TCF4: variants seen among roughly 807,000 people sequenced by gnomAD.
The protein encoded by TCF4 is transcription factor 4, also known as SL3-3 enhancer factor 2.
In TCF4, 3 loss-of-function variants were observed where a neutral mutation model predicts 82.1. The observed-to-expected ratio is 0.04, with a 90% CI of 0.02 to 0.09. The LOEUF is 0.09. TCF4 is among the 10% of genes least tolerant of loss of function. The pLI is 1.00. For synonymous variants in TCF4, 276 were observed against 309.6 expected, an observed-to-expected ratio of 0.89 and a Z score of 1.14; for missense variants, 518 against 852.7, an observed-to-expected ratio of 0.61 and a Z score of 4.89.
At chr18:55,511,557 A>G (rs1216649527) in intron 3 of TCF4, among the ~76,000 whole-genome samples, 1 of 152,132 alleles carries the variant, frequency 6.6e-6, no homozygotes, top group Non-Finnish European at 1.5e-5. Context: ...ACAGAGTTCT[A>G]AATTCATTCT....
At chr18:55,571,783 T>C (rs1209007164) in intron 3 of TCF4, among the ~76,000 whole-genome samples, 1 of 145,532 alleles carries the variant, frequency 6.9e-6, no homozygotes, top group African/African-American at 2.5e-5. Flanking sequence ...AATTATGAAA[T>C]AATTCAAGCA....
At chr18:55,431,672 A>C (rs970553303) in intron 5 of TCF4, among the ~76,000 whole-genome samples, 4 of 152,192 alleles carry the variant, frequency 2.6e-5, no homozygotes, top group Non-Finnish European at 5.9e-5. Context: ...ACTTGGAGTA[A>C]ACAAGATGGC....
rs71169308 is a variant in TCF4 at position 55,621,524 on chromosome 18, T to TATAATATA, written c.286+9773_286+9774insTATATTAT. Among the ~76,000 whole-genome samples the TATAATATA allele has an allele frequency of 7.9e-4, 11 of 13,846 alleles. 1 individual carries two copies. Among genetic ancestry groups the TATAATATA allele is most frequent in the Admixed American group, 5.9e-3 (4 of 678 alleles). 9.1% of individuals were successfully genotyped at this position (13,846 alleles called of 152,430 possible). On this transcript the variant is annotated intron_variant, in intron 2 of 20. Transcript: ENST00000398339. ...TACATTATATATATATTATATAATA[T>TATAATATA]TATATAATATATATATTATATTATA...
At chr18:55,416,019 TG>T (rs1291844191) in intron 5 of TCF4, among the ~76,000 whole-genome samples, 1 of 152,224 alleles carries the variant, frequency 6.6e-6, no homozygotes. Context: ...CCCACTGGTT[TG>T]TGCTTGATTG....
At chr18:55,241,180 G>A (rs1221649315) in intron 15 of TCF4, among the ~76,000 whole-genome samples, 3 of 152,132 alleles carry the variant, frequency 2.0e-5, no homozygotes, top group Non-Finnish European at 4.4e-5. Flanking sequence ...AAATGCAAAC[G>A]GATGTGAGCC....
intron 8 of TCF4, among the ~76,000 whole-genome samples, chr18:55,300,239 T>C (rs545021083): frequency 6.6e-6 from 1 of 152,312 alleles, no homozygotes; most frequent in South Asian, 2.1e-4. Context: ...CTGCCCCCTA[T>C]GCCAACCATT....
chr18:55,374,812 G>A (rs1188089626), intron 6 of TCF4, among the ~76,000 whole-genome samples: 1 of 143,700 alleles, frequency 7.0e-6, no homozygotes, highest in East Asian at 2.1e-4. Context: ...AGACTGCAGT[G>A]AGCCATGATC....
At chr18:55,294,669 G>T (rs1236199200) in intron 8 of TCF4, among the ~76,000 whole-genome samples, 1 of 152,198 alleles carries the variant, frequency 6.6e-6, no homozygotes, top group East Asian at 1.9e-4. Context: ...TTCCACAGTT[G>T]TCCAGCACTG....
At chr18:55,245,366 T>G (rs1039975562) in intron 15 of TCF4, among the ~76,000 whole-genome samples, 1 of 152,228 alleles carries the variant, frequency 6.6e-6, no homozygotes, top group Non-Finnish European at 1.5e-5. Context: ...CTCCAGTATT[T>G]TCTGTTTTGG....
chr18:55,392,091 G>C (rs943658230), intron 6 of TCF4, among the ~76,000 whole-genome samples: 5 of 141,506 alleles, frequency 3.5e-5, no homozygotes. Flanking sequence ...AGCCTCCTGA[G>C]TAGCTGGGAT....
chr18:55,426,620 C>T (rs573070654), intron 5 of TCF4, among the ~76,000 whole-genome samples: 4 of 152,160 alleles, frequency 2.6e-5, no homozygotes, highest in Non-Finnish European at 5.9e-5. Flanking sequence ...GCATCTGTCC[C>T]TTGCTTAGTG....
intron 11 of TCF4, chr18:55,264,554 G>A (rs1187174973): frequency 6.6e-6 from 1 of 151,448 alleles, no homozygotes; most frequent in Non-Finnish European, 1.5e-5. Flanking sequence ...GGGTATAACT[G>A]GAAAAGAAAT....
chr18:55,254,367 G>A (rs1283790782), intron 15 of TCF4, 130 bp downstream of exon 15: 8 of 821,340 alleles, frequency 9.7e-6, no homozygotes, highest in South Asian at 1.5e-5. Context: ...CACCTGAAAT[G>A]GGCTCATCGT....
intron 8 of TCF4, among the ~76,000 whole-genome samples, chr18:55,339,825 A>G (rs1203056160): frequency 6.6e-6 from 1 of 152,206 alleles, no homozygotes; most frequent in African/African-American, 2.4e-5. Context: ...CAACAGGGGC[A>G]CTGAGAAAAG....
At chr18:55,488,849 CTT>C (rs887701679) in intron 3 of TCF4, among the ~76,000 whole-genome samples, 9 of 152,206 alleles carry the variant, frequency 5.9e-5, no homozygotes, top group African/African-American at 2.2e-4. Flanking sequence ...GGAGAAAAGA[CTT>C]TCTTTACAAA....
intron 11 of TCF4, chr18:55,269,586 C>T: frequency 1.9e-6 from 1 of 530,618 alleles, no homozygotes; most frequent in South Asian, 2.0e-5. Flanking sequence ...TCTGTTTGAA[C>T]CCTTGTTCAA....
chr18:55,478,250 C>T (rs537235966), intron 3 of TCF4, among the ~76,000 whole-genome samples: 7 of 152,282 alleles, frequency 4.6e-5, no homozygotes, highest in South Asian at 4.1e-4. Flanking sequence ...AGGAAAAAGC[C>T]GTGCCTGCCA....
At chr18:55,595,947 T>C (rs925793091) in intron 2 of TCF4, among the ~76,000 whole-genome samples, 3 of 152,184 alleles carry the variant, frequency 2.0e-5, no homozygotes, top group African/African-American at 2.4e-5. Context: ...AATCAGCATA[T>C]GCAGGCCAGG....
chr18:55,407,304 G>A (rs968555488), intron 5 of TCF4, among the ~76,000 whole-genome samples: 1 of 152,018 alleles, frequency 6.6e-6, no homozygotes, highest in Non-Finnish European at 1.5e-5. Context: ...ACTTTCTTCT[G>A]CAAAAATGAT....
Sources: gnomAD v4.1 joint callset for allele counts (sites outside exome capture counted in the v4.1 genomes callset) on GRCh38, gnomAD v4.1.1 for gene constraint, MANE v1.5 for transcripts, NCBI Gene and HGNC (gene_info 2026-07-23, HGNC 2026-07-21) for gene names.